The following BSN variants were observed in gnomAD, a reference collection of about 807,000 sequenced individuals.
BSN encodes the protein protein bassoon.
BSN carries 57 observed loss-of-function variants against 264.8 expected under a neutral mutation model. That is an observed-to-expected ratio of 0.22 (90% CI 0.17 to 0.27). The LOEUF (loss-of-function observed/expected upper bound fraction) is 0.27, where lower values mean the gene tolerates loss of function less well. BSN is among the 10% of genes least tolerant of loss of function. The pLI, the probability that BSN is intolerant of heterozygous loss-of-function variation, is 1.00. For missense variants in BSN, 4,615 were observed against 5,232.5 expected (o/e 0.88, Z 3.64); for synonymous variants, 2,059 against 2,137.3 (o/e 0.96, Z 1.01).
In BSN at chr3:49,655,906, G is replaced by A. The variant is rs1308890133; in HGVS notation, c.6350G>A (p.Ser2117Asn). 6.2e-7 allele frequency: 1 copy of A among 1,611,362 alleles called. No homozygotes were observed. Among genetic ancestry groups the A allele is most frequent in the East Asian group, 2.2e-5 (1 of 44,868 alleles). ...GACCAGTATGGTGGGCGGCATGGCAGTGGTGGTGGTGGCCCTGACCTTGTG... is the reference window on the plus strand; with the variant it reads ...GACCAGTATGGTGGGCGGCATGGCAATGGTGGTGGTGGCCCTGACCTTGTG... The part of the protein sequence containing the change: ...SMDQYGGRHG[S>N]GGGGPDLVQY... Residue 2117 changes from serine to asparagine, a missense_variant, in exon 5 of 12, where the codon AGT becomes AAT. Physicochemically the swap from Ser to Asn is conservative, Grantham distance 46. Transcript: ENST00000296452.
chr3:49,642,363 C>A lies in BSN; in HGVS notation c.729C>A (p.His243Gln). The change falls in exon 3 of 12, where the codon CAC becomes CAA. Residue 243 changes from histidine to glutamine, a missense_variant. Coordinates refer to ENST00000296452, the MANE Select transcript of BSN (RefSeq NM_003458.4). This position sits in a 1 kb window ranked among gnomAD's most constrained non-coding sequence, Gnocchi z 7.0. ...APRSKSQQQLHSPALSPAHSP... is the reference protein window; with the variant it reads ...APRSKSQQQLQSPALSPAHSP... ...GCTCCAAGAGCCAGCAGCAGCTGCA[C>A]TCCCCAGCCCTGTCTCCTGCCCACT... 6.3e-7 allele frequency: 1 copy of A among 1,598,196 alleles called. No individual in the cohort carries two copies. The highest frequency in any genetic ancestry group is 1.1e-5 in the South Asian group (1 of 88,596).
At chr3:49,606,568 G>C (rs1342288601) in intron 1 of BSN, among the ~76,000 whole-genome samples, 1 of 151,720 alleles carries the variant, frequency 6.6e-6, no homozygotes, top group African/African-American at 2.4e-5. Flanking sequence ...GCCAGCATCT[G>C]CAGTGCAGCC....
chr3:49,642,925 A>G lies in BSN; in HGVS notation c.1291A>G (p.Lys431Glu), dbSNP rs1311610991. The change falls in exon 3 of 12, where the codon AAA becomes GAA. Residue 431 changes from lysine (K) to glutamate (E), a missense_variant. Lys to Glu is a moderately conservative substitution (Grantham distance 56). This residue lies in a region of BSN where 1,197 missense variants were observed against 1,348.0 expected (regional missense o/e 0.89). Transcript: ENST00000296452. This position sits in a 1 kb window ranked among gnomAD's most constrained non-coding sequence, Gnocchi z 7.0. ...GPGSGPGALP[K>E]TGGTTSPKHG... ...TGGATCTGGACCTGGAGCCCTGCCG[A>G]AAACTGGGGGAACAACCAGTCCAAA... 1 of 1,613,970 alleles carries G rather than the reference A, an allele frequency of 6.2e-7. No homozygotes were observed. Among genetic ancestry groups the G allele is most frequent in the African/African-American group, 1.3e-5 (1 of 74,924 alleles).
chr3:49,614,447 A>G (rs1477508956), intron 1 of BSN, among the ~76,000 whole-genome samples: 1 of 152,166 alleles, frequency 6.6e-6, no homozygotes, highest in African/African-American at 2.4e-5. Context: ...TATTCTGGAA[A>G]AGCCATGGGA....
chr3:49,658,739 G>A lies in BSN; in HGVS notation c.8640+543G>A, dbSNP rs540673769. On this transcript the variant is annotated intron_variant, in intron 5 of 11. Transcript: ENST00000296452. Reference sequence around the variant, plus strand: ...TGCTCTCTGCCCCAGGGTGTTCTCTGCCCCTACCTGGCCCTCGGTAAATCT... The same window carrying A: ...TGCTCTCTGCCCCAGGGTGTTCTCTACCCCTACCTGGCCCTCGGTAAATCT... Among the ~76,000 whole-genome samples the A allele has an allele frequency of 3.3e-5, 5 of 152,316 alleles. No homozygotes were observed. The South Asian group carries it at 1.0e-3, about 32-fold the overall frequency.
intron 6 of BSN, 97 bp downstream of exon 6, chr3:49,662,659 G>C: frequency 6.7e-7 from 1 of 1,503,550 alleles, no homozygotes. Context: ...AGCAGGGTCT[G>C]GTCTGGCGCC....
rs1214579655 is a variant in BSN at position 49,662,102 on chromosome 3, G to A, written c.10257G>A (p.Gln3419=). The part of the protein sequence containing the change: ...TYGLKKNVYE[Q]QKYYGMSSRD... ...GGCTCAAGAAGAACGTGTATGAGCAGCAAAAATACTATGGGATGTCCAGCC... is the reference window on the plus strand; with the variant it reads ...GGCTCAAGAAGAACGTGTATGAGCAACAAAAATACTATGGGATGTCCAGCC... Residue 3419 remains glutamine (Q), a synonymous_variant, in exon 6 of 12, where the codon CAG becomes CAA. Transcript: ENST00000296452. 6.2e-7 allele frequency: 1 copy of A among 1,613,544 alleles called. No homozygotes were observed. The highest frequency in any genetic ancestry group is 1.7e-5 in the Admixed American group (1 of 60,036).
Position 49,650,819 on chromosome 3 carries a change from T to G in BSN, c.1726T>G (p.Ser576Ala). The change falls in exon 4 of 12, where the codon TCC becomes GCC. Residue 576 changes from serine to alanine, a missense_variant. By Grantham distance (99) the Ser-to-Ala change is moderately conservative (BLOSUM62 1). Coordinates refer to ENST00000296452, the MANE Select transcript of BSN (RefSeq NM_003458.4). The stretch of plus-strand genomic sequence containing the variant: ...CCTGCCTGCCAAGGCCAGCCCTCTA[T>G]CCACCAAGGCCAGCCCTCTGCCCAG... Reference protein sequence around the residue: ...GPLPAKASPLSTKASPLPSKA... With the variant: ...GPLPAKASPLATKASPLPSKA... The G allele has an allele frequency of 2.5e-6, 4 of 1,613,914 alleles. No individual in the cohort carries two copies. The highest frequency in any genetic ancestry group is 3.4e-6 in the Non-Finnish European group (4 of 1,179,942).
chr3:49,568,497 T>G (rs1056657448), intron 1 of BSN, among the ~76,000 whole-genome samples: 1 of 152,242 alleles, frequency 6.6e-6, no homozygotes, highest in Non-Finnish European at 1.5e-5. Flanking sequence ...CCACTGTTTC[T>G]TTTTGCAAAT....
chr3:49,614,761 C>T (rs563406683), intron 1 of BSN, among the ~76,000 whole-genome samples: 1 of 152,198 alleles, frequency 6.6e-6, no homozygotes, highest in Non-Finnish European at 1.5e-5. Context: ...GGAAAGTTAC[C>T]CTTATGTTAC....
intron 1 of BSN, among the ~76,000 whole-genome samples, chr3:49,563,956 G>T (rs1416624155): frequency 2.0e-5 from 3 of 152,086 alleles, no homozygotes; most frequent in Non-Finnish European, 4.4e-5. Flanking sequence ...ACTTATTTTT[G>T]CTCACAGGTT....
chr3:49,663,715 A>G (rs568104653), intron 7 of BSN, 49 bp downstream of exon 7: 1 of 1,607,916 alleles, frequency 6.2e-7, no homozygotes, highest in South Asian at 1.1e-5. Flanking sequence ...GATGCTATGA[A>G]TGAAGCTTGG....
rs912949871 is a variant in BSN at position 49,638,740 on chromosome 3, G to T, written c.634-3528G>T. ...GGCTGGGGAAAGGAAAGTTCTGGCG[G>T]TGAGTGCAGGCGGTTTGGCACGTGC... On this transcript the variant is annotated intron_variant, in intron 2 of 11. Transcript: ENST00000296452. This position sits in a 1 kb window ranked among gnomAD's most constrained non-coding sequence, Gnocchi z 4.3. Among the ~76,000 whole-genome samples, 1 of 152,232 alleles carries T rather than the reference G, an allele frequency of 6.6e-6. No homozygotes were observed. Among genetic ancestry groups the T allele is most frequent in the African/African-American group, 2.4e-5 (1 of 41,460 alleles).
intron 2 of BSN, among the ~76,000 whole-genome samples, chr3:49,635,653 C>A (rs2052415425): frequency 2.6e-5 from 4 of 152,168 alleles, no homozygotes. Flanking sequence ...GTCCATCTAT[C>A]CATCCATCTT....
chr3:49,554,913 C>A, intron 1 of BSN, 87 bp downstream of exon 1: 2 of 830,636 alleles, frequency 2.4e-6, no homozygotes, highest in Non-Finnish European at 3.1e-6. Context: ...CTAGTGTGGA[C>A]AGCGAGGTTC....
In BSN at chr3:49,554,826, G is replaced by C; in HGVS notation, c.224G>C (p.Ser75Thr). 8.3e-7 allele frequency: 1 copy of C among 1,206,906 alleles called. No individual in the cohort carries two copies. 74.8% of individuals were successfully genotyped at this position (1,206,906 alleles called of 1,614,324 possible). The change falls in exon 1 of 12, where the codon AGC becomes ACC. Residue 75 changes from serine (S) to threonine (T), a missense_variant and splice_region_variant. Physicochemically the swap from Ser to Thr is moderately conservative, Grantham distance 58. Around this residue, in one of 3 missense-constraint regions of BSN, gnomAD observed 1,197 missense variants for 1,348.0 expected, o/e 0.89. Transcript: ENST00000296452. ...PGPGPGPGPG[S>T]TSRRLDPKEP... ...CCCGGTCCCGGCCCTGGCCCGGGCA[G>C]GTAAGCGCGTGTCTCGGCGCCCGGG...
intron 1 of BSN, among the ~76,000 whole-genome samples, chr3:49,603,081 G>T (rs2052084653): frequency 6.6e-6 from 1 of 152,044 alleles, no homozygotes; most frequent in Non-Finnish European, 1.5e-5. Flanking sequence ...CTGGGCAGCT[G>T]GGGCCTGGTC....
In BSN at chr3:49,650,819, TCCACCAAGGCCAGCCCTCTGC is replaced by T; in HGVS notation, c.1730_1750del (p.Thr577_Pro583del). ...CCTGCCTGCCAAGGCCAGCCCTCTA[TCCACCAAGGCCAGCCCTCTGC>T]CCAGCAAGGCCAGCCCCCAGGCCAA... On this transcript the variant is annotated inframe_deletion, in exon 4 of 12. Transcript: ENST00000296452. 1 of 1,613,914 alleles carries T rather than the reference TCCACCAAGGCCAGCCCTCTGC, an allele frequency of 6.2e-7. No individual in the cohort carries two copies. Among genetic ancestry groups the T allele is most frequent in the Non-Finnish European group, 8.5e-7 (1 of 1,179,942 alleles).
chr3:49,617,210 A>G lies in BSN; in HGVS notation c.225-7765A>G, dbSNP rs567624891. 6.6e-5 allele frequency among the ~76,000 whole-genome samples: 10 copies of G among 151,884 alleles called. No individual in the cohort carries two copies. In the East Asian group the frequency reaches 1.7e-3, roughly 26 times the overall value. ...TGTAGCAAACCACCATGGCACATGT[A>G]TACCTATGTAACAAACCTGCACGTT... On this transcript the variant is annotated intron_variant, in intron 1 of 11. Coordinates refer to ENST00000296452, the MANE Select transcript of BSN (RefSeq NM_003458.4).
Sources: allele counts gnomAD v4.1 joint callset (sites outside exome capture counted in the v4.1 genomes callset), GRCh38; gene constraint gnomAD v4.1.1; regional missense constraint gnomAD v4.1.1; non-coding constraint Gnocchi (gnomAD v3.1); transcripts MANE v1.5; gene names NCBI Gene and HGNC (gene_info 2026-07-23, HGNC 2026-07-21).